Variants in ELFN1 observed in about 807,000 individuals in gnomAD.
ELFN1 encodes the protein protein ELFN1.
Under a neutral mutation model 7.6 loss-of-function variants are expected in ELFN1, and 6 were observed. The ratio of observed to expected loss-of-function variants is 0.79; its 90% CI spans 0.43 to 1.56. The LOEUF is 1.56. Among genes scored for constraint, ELFN1 ranks in the 40% most tolerant of loss-of-function variants. The pLI is 0.01. For missense variants in ELFN1, 1,169 were observed against 1,232.2 expected, an observed-to-expected ratio of 0.95 and a Z score of 0.77; for synonymous variants, 657 against 588.1, an observed-to-expected ratio of 1.12 and a Z score of -1.70.
chr7:1,736,800 G>A (rs1289970161), intron 3 of ELFN1, among the ~76,000 whole-genome samples: 1 of 152,168 alleles, frequency 6.6e-6, no homozygotes, highest in Non-Finnish European at 1.5e-5. Context: ...TGGCCCGGAT[G>A]CCTGGCCTCT....
rs1778813831 is a variant in ELFN1, at chr7:1,673,765, C to T, written c.-549+3411C>T. On this transcript the variant is annotated intron_variant, in intron 1 of 3. Transcript: ENST00000424383. The surrounding 1 kb of genome is among the most constrained non-coding windows in gnomAD (Gnocchi z 4.7). ...TTCCCTCGGAGATCAGCCGGTCCAGCCCCTGAAGATGGTCCAGCCGGTCCA... is the reference window on the plus strand; with the variant it reads ...TTCCCTCGGAGATCAGCCGGTCCAGTCCCTGAAGATGGTCCAGCCGGTCCA... Among the ~76,000 whole-genome samples the T allele has an allele frequency of 6.6e-6, 1 of 151,310 alleles. No individual in the cohort carries two copies. Among genetic ancestry groups the T allele is most frequent in the Non-Finnish European group, 1.5e-5 (1 of 67,302 alleles).
chr7:1,739,173 C>A lies in ELFN1; in HGVS notation c.-293-5131C>A, dbSNP rs1022444121. 6.6e-6 allele frequency: 1 copy of A among 152,090 alleles called. No homozygotes were observed. The highest frequency in any genetic ancestry group is 1.9e-4 in the East Asian group (1 of 5,136). 9.4% of individuals were successfully genotyped at this position (152,090 alleles called of 1,614,324 possible). A position where few individuals can be genotyped will look rare whatever the true frequency, so the allele number is the denominator to read the frequency against. On this transcript the variant is annotated intron_variant, in intron 3 of 3. Coordinates refer to ENST00000424383, the MANE Select transcript of ELFN1 (RefSeq NM_001128636.4). This position sits in a 1 kb window ranked among gnomAD's most constrained non-coding sequence, Gnocchi z 4.6. ...TCAGGGCTGCGCGGGGCCGCAGGAC[C>A]GCCTTGGTGGTTAGCGAGGCTCCCT...
chr7:1,729,586 C>T (rs1017982293), intron 3 of ELFN1, among the ~76,000 whole-genome samples: 6 of 152,200 alleles, frequency 3.9e-5, no homozygotes, highest in Admixed American at 6.5e-5. Flanking sequence ...AGGACGGACA[C>T]GGCTTCGCTT....
chr7:1,708,321 C>T (rs1472829879), intron 2 of ELFN1, among the ~76,000 whole-genome samples: 1 of 152,212 alleles, frequency 6.6e-6, no homozygotes, highest in African/African-American at 2.4e-5. Context: ...ATCCTCAGCA[C>T]CAGGGCTGGG....
At chr7:1,741,510 G>A (rs948656150) in intron 3 of ELFN1, among the ~76,000 whole-genome samples, 32 of 152,166 alleles carry the variant, frequency 2.1e-4, no homozygotes, top group Non-Finnish European at 2.9e-5. Context: ...GGGAGGTGAG[G>A]CTGCGTTCCC....
chr7:1,696,527 G>C (rs575258949), intron 2 of ELFN1, among the ~76,000 whole-genome samples: 1 of 152,136 alleles, frequency 6.6e-6, no homozygotes, highest in African/African-American at 2.4e-5. Context: ...TAGTAGCTGG[G>C]ACCACAGGTG....
intron 3 of ELFN1, among the ~76,000 whole-genome samples, chr7:1,723,987 A>G (rs1217938624): frequency 1.3e-5 from 2 of 152,196 alleles, no homozygotes; most frequent in Non-Finnish European, 2.9e-5. Context: ...CCTGTGAGCC[A>G]CGTGGGATGT....
chr7:1,677,354 G>A (rs953886151), intron 1 of ELFN1, among the ~76,000 whole-genome samples: 16 of 152,174 alleles, frequency 1.1e-4, no homozygotes, highest in Admixed American at 3.9e-4. Context: ...CATTCCTCAG[G>A]TATCCGGCAC....
Position 1,735,279 on chromosome 7 carries a change from A to T in ELFN1, c.-293-9025A>T, listed in dbSNP as rs1780414952. Reference sequence around the variant, plus strand: ...GGGGGCAGGGCAGGGGGAGCCCTGCAGCTTCCATGAGTCGTGTGGATGGCC... The same window carrying T: ...GGGGGCAGGGCAGGGGGAGCCCTGCTGCTTCCATGAGTCGTGTGGATGGCC... On this transcript the variant is annotated intron_variant, in intron 3 of 3. Coordinates refer to ENST00000424383, the MANE Select transcript of ELFN1 (RefSeq NM_001128636.4). This position sits in a 1 kb window ranked among gnomAD's most constrained non-coding sequence, Gnocchi z 5.9. Among the ~76,000 whole-genome samples, 1 of 152,098 alleles carries T rather than the reference A, an allele frequency of 6.6e-6. No individual in the cohort carries two copies. Among genetic ancestry groups the T allele is most frequent in the Non-Finnish European group, 1.5e-5 (1 of 67,992 alleles).
chr7:1,683,339 T>C (rs1779008624), intron 1 of ELFN1, among the ~76,000 whole-genome samples: 1 of 152,224 alleles, frequency 6.6e-6, no homozygotes, highest in Non-Finnish European at 1.5e-5. Context: ...TTAGTTTTTT[T>C]TGTTTTTGTT....
At chr7:1,734,859 G>A (rs1472892146) in intron 3 of ELFN1, among the ~76,000 whole-genome samples, 3 of 151,966 alleles carry the variant, frequency 2.0e-5, no homozygotes, top group South Asian at 2.1e-4. Context: ...CACCACACCC[G>A]GCAAATTTTT....
At chr7:1,742,502 G>A (rs1033034339) in intron 3 of ELFN1, among the ~76,000 whole-genome samples, 5 of 152,354 alleles carry the variant, frequency 3.3e-5, no homozygotes, top group Admixed American at 2.0e-4. Flanking sequence ...GCGTGGGTGC[G>A]AGCTGGCAGG....
upstream of ELFN1, among the ~76,000 whole-genome samples, chr7:1,666,141 C>T (rs1310692186): frequency 6.6e-6 from 1 of 152,034 alleles, no homozygotes; most frequent in Admixed American, 6.5e-5. This position sits in a 1 kb window ranked among gnomAD's most constrained non-coding sequence, Gnocchi z 7.9. Context: ...GCGACAGTGC[C>T]TCCAGCCCGG....
At position 1,746,342 on chromosome 7, in the gene ELFN1, C is replaced by T. The variant is rs775250378; in HGVS notation, c.1746C>T (p.Ser582=). The T allele has an allele frequency of 1.3e-6, 2 of 1,544,324 alleles. No homozygotes were observed. The highest frequency in any genetic ancestry group is 1.7e-6 in the Non-Finnish European group (2 of 1,143,466). Reference sequence around the variant, plus strand: ...ACGCGCTCAAGTCCGAGTCCACCTCCTTCCAGGGCGTCAAGTCGGGGCCCG... The same window carrying T: ...ACGCGCTCAAGTCCGAGTCCACCTCTTTCCAGGGCGTCAAGTCGGGGCCCG... ...CIDALKSEST[S]FQGVKSGPVS... Residue 582 remains serine (S), a synonymous_variant, in exon 4 of 4, where the codon TCC becomes TCT. Coordinates refer to ENST00000424383, the MANE Select transcript of ELFN1 (RefSeq NM_001128636.4).
chr7:1,667,968 G>C (rs1036299710), upstream of ELFN1, among the ~76,000 whole-genome samples: 4 of 143,896 alleles, frequency 2.8e-5, no homozygotes, highest in African/African-American at 5.0e-5. The surrounding 1 kb of genome is among the most constrained non-coding windows in gnomAD (Gnocchi z 8.2). Flanking sequence ...CTCGGGGTGG[G>C]GGGGGGGGGC....
At chr7:1,676,233 G>C (rs1464128875) in intron 1 of ELFN1, among the ~76,000 whole-genome samples, 1 of 152,206 alleles carries the variant, frequency 6.6e-6, no homozygotes, top group Admixed American at 6.5e-5. Flanking sequence ...CCTGCACTGA[G>C]GCCTCTGCCC....
At chr7:1,699,942 C>A (rs1055460041) in intron 2 of ELFN1, among the ~76,000 whole-genome samples, 4 of 152,184 alleles carry the variant, frequency 2.6e-5, no homozygotes, top group African/African-American at 9.6e-5. Context: ...TCAGGTGACC[C>A]GCCCGCCTCA....
intron 3 of ELFN1, among the ~76,000 whole-genome samples, chr7:1,715,986 C>G (rs1300757740): frequency 6.6e-6 from 1 of 152,214 alleles, no homozygotes; most frequent in Non-Finnish European, 1.5e-5. Context: ...GGGATCTGTC[C>G]CAGGCCCAGG....
intron 3 of ELFN1, among the ~76,000 whole-genome samples, chr7:1,724,467 T>C (rs910512118): frequency 6.6e-6 from 1 of 152,172 alleles, no homozygotes; most frequent in Non-Finnish European, 1.5e-5. Flanking sequence ...CCTGTGTGAC[T>C]TGTGGAGATG....
Sources: allele counts gnomAD v4.1 joint callset (sites outside exome capture counted in the v4.1 genomes callset), GRCh38; gene constraint gnomAD v4.1.1; non-coding constraint Gnocchi (gnomAD v3.1); transcripts MANE v1.5; gene names NCBI Gene and HGNC (gene_info 2026-07-23, HGNC 2026-07-21).